The following GTF3C3 variants were observed in gnomAD, a reference collection of about 807,000 sequenced individuals.
The protein encoded by GTF3C3 is general transcription factor 3C polypeptide 3.
Under a neutral mutation model 105.2 loss-of-function variants are expected in GTF3C3, and 75 were observed. That is an observed-to-expected ratio of 0.71 (90% CI 0.59 to 0.86). The LOEUF is 0.86. GTF3C3 is among the 40% of genes least tolerant of loss of function. The pLI, the probability that GTF3C3 is intolerant of heterozygous loss-of-function variation, is 0.00. For missense variants in GTF3C3, 856 were observed against 1,076.5 expected (o/e 0.80, Z 2.87); for synonymous variants, 335 against 370.4 (o/e 0.90, Z 1.10).
chr2:196,797,272 G>A (rs553500748), intron 2 of GTF3C3, among the ~76,000 whole-genome samples: 3 of 152,282 alleles, frequency 2.0e-5, no homozygotes, highest in Admixed American at 6.5e-5. Context: ...TAGTCTGGGT[G>A]CACTAACCAA....
chr2:196,783,099 A>C (rs1021732452), intron 8 of GTF3C3, among the ~76,000 whole-genome samples: 3 of 152,174 alleles, frequency 2.0e-5, no homozygotes, highest in Non-Finnish European at 2.9e-5. Context: ...TATCTGTTTT[A>C]ATCTCCTAGT....
chr2:196,791,483 T>G, intron 3 of GTF3C3, 23 bp from the exon 4 acceptor site: 1 of 1,597,624 alleles, frequency 6.3e-7, no homozygotes, highest in African/African-American at 1.3e-5. Flanking sequence ...AAAATGACAT[T>G]TAGATTAAAA....
At position 196,776,786 on chromosome 2, in the gene GTF3C3, TAATC is replaced by T. The variant is rs999738904; in HGVS notation, c.1391-161_1391-158del. On this transcript the variant is annotated intron_variant, in intron 10 of 17. Coordinates refer to ENST00000263956, the MANE Select transcript of GTF3C3 (RefSeq NM_012086.5). The surrounding 1 kb of genome is among the most constrained non-coding windows in gnomAD (Gnocchi z 4.5). ...CTTTAAAACTATCCCTAATCTCTATTAATCAATCGATCTAATAAATTTAAATTGC... is the reference window on the plus strand; with the variant it reads ...CTTTAAAACTATCCCTAATCTCTATTAATCGATCTAATAAATTTAAATTGC... Among the ~76,000 whole-genome samples, 1 of 152,208 alleles carries T rather than the reference TAATC, an allele frequency of 6.6e-6. No individual in the cohort carries two copies. Among genetic ancestry groups the T allele is most frequent in the African/African-American group, 2.4e-5 (1 of 41,444 alleles).
rs758315740 is a variant in GTF3C3, at chr2:196,770,041, TG to T, written c.2261-3del. On this transcript the variant is annotated splice_polypyrimidine_tract_variant and splice_region_variant and intron_variant, in intron 15 of 17. Coordinates refer to ENST00000263956, the MANE Select transcript of GTF3C3 (RefSeq NM_012086.5). Reference sequence around the variant, plus strand: ...TGCGAAAGGCTTGCACATACTGTCCTGGAAAATAAGCAGTGGTGTCAGACGG... The same window carrying T: ...TGCGAAAGGCTTGCACATACTGTCCTGAAAATAAGCAGTGGTGTCAGACGG... 5.9e-5 allele frequency: 90 copies of T among 1,518,712 alleles called. No homozygotes were observed. The highest frequency in any genetic ancestry group is 7.6e-5 in the Non-Finnish European group (87 of 1,140,096). The allele number at this position is 1,518,712 out of a possible 1,614,324, so 94.1% of individuals were successfully genotyped here.
chr2:196,785,732 C>A (rs1031605264), intron 6 of GTF3C3, 144 bp from the exon 7 acceptor site: 3 of 584,208 alleles, frequency 5.1e-6, no homozygotes, highest in Non-Finnish European at 9.1e-6. Context: ...AAATCGTAAT[C>A]AGAACTGATC....
intron 13 of GTF3C3, among the ~76,000 whole-genome samples, chr2:196,773,949 G>A (rs1699220794): frequency 6.6e-6 from 1 of 152,236 alleles, no homozygotes; most frequent in African/African-American, 2.4e-5. Context: ...CAGGCCACGG[G>A]CTGGTACCGG....
At chr2:196,771,973 A>T (rs760749142) in intron 14 of GTF3C3, 35 bp from the exon 15 acceptor site, 3 of 1,442,084 alleles carry the variant, frequency 2.1e-6, no homozygotes, top group South Asian at 2.3e-5. Flanking sequence ...GGAGAAAATA[A>T]TGTAAAAATC....
In GTF3C3 at chr2:196,775,181, A is replaced by G. The variant is rs1415146167; in HGVS notation, c.1766T>C (p.Ile589Thr). 6.2e-7 allele frequency: 1 copy of G among 1,613,156 alleles called. No individual in the cohort carries two copies. Among genetic ancestry groups the G allele is most frequent in the Non-Finnish European group, 8.5e-7 (1 of 1,179,262 alleles). ...TGATATTTTGTCTCTCGATACTTTA[A>G]TAAGATAAAGATGCCTCTCTCCAGA... ...SKSGERHLYL[I>T]KVSRDKISDS... Residue 589 changes from isoleucine to threonine, a missense_variant, in exon 13 of 18, where the codon ATT (isoleucine) becomes ACT (threonine). Ile to Thr is a moderately conservative substitution (Grantham distance 89). Around this residue, in one of 3 missense-constraint regions of GTF3C3, gnomAD observed 605 missense variants for 833.6 expected, o/e 0.73. Transcript: ENST00000263956.
Position 196,799,646 on chromosome 2 carries a change from G to A in GTF3C3, c.-35C>T, listed in dbSNP as rs763889463. On this transcript the variant is annotated 5_prime_UTR_variant, in exon 1 of 18. Coordinates refer to ENST00000263956, the MANE Select transcript of GTF3C3 (RefSeq NM_012086.5). ...GTCTGTCTGTGCAACCCCAGGAACC[G>A]GGACAGAGAACCGGAAGAGCAGCGC... 2 of 1,473,220 alleles carry A rather than the reference G, an allele frequency of 1.4e-6. No individual in the cohort carries two copies. Among genetic ancestry groups the A allele is most frequent in the Admixed American group, 1.7e-5 (1 of 59,448 alleles). The allele number at this position is 1,473,220 out of a possible 1,614,324, so 91.3% of individuals were successfully genotyped here. A position where few individuals can be genotyped will look rare whatever the true frequency, so the allele number is the denominator to read the frequency against.
At position 196,799,630 on chromosome 2, in the gene GTF3C3, T is replaced by C; in HGVS notation, c.-19A>G. The C allele has an allele frequency of 1.3e-6, 2 of 1,561,958 alleles. No homozygotes were observed. Among genetic ancestry groups the C allele is most frequent in the Non-Finnish European group, 1.8e-6 (2 of 1,132,936 alleles). On this transcript the variant is annotated 5_prime_UTR_variant, in exon 1 of 18. Coordinates refer to ENST00000263956, the MANE Select transcript of GTF3C3 (RefSeq NM_012086.5). Reference sequence around the variant, plus strand: ...CTGACATGTTTACAGGGTCTGTCTGTGCAACCCCAGGAACCGGGACAGAGA... The same window carrying C: ...CTGACATGTTTACAGGGTCTGTCTGCGCAACCCCAGGAACCGGGACAGAGA...
At chr2:196,792,292 G>T (rs916621756) in intron 3 of GTF3C3, among the ~76,000 whole-genome samples, 1 of 152,054 alleles carries the variant, frequency 6.6e-6, no homozygotes, top group African/African-American at 2.4e-5. Context: ...GAGTAGCTAG[G>T]ACAACAGGAG....
intron 2 of GTF3C3, 140 bp downstream of exon 2, chr2:196,797,657 A>G (rs1158041595): frequency 4.8e-5 from 29 of 609,894 alleles, no homozygotes; most frequent in South Asian, 1.6e-4. Flanking sequence ...GGCACCTACT[A>G]TATAACCAAG....
chr2:196,791,530 A>C, intron 3 of GTF3C3, 70 bp from the exon 4 acceptor site: 1 of 1,357,624 alleles, frequency 7.4e-7, no homozygotes, highest in East Asian at 2.3e-5. Context: ...CAGCCATATT[A>C]ATAAATATAG....
intron 13 of GTF3C3, among the ~76,000 whole-genome samples, chr2:196,774,784 T>A (rs1420403546): frequency 2.0e-5 from 3 of 152,222 alleles, no homozygotes; most frequent in African/African-American, 7.2e-5. Flanking sequence ...GGAATATATA[T>A]AAGTGAAGTC....
rs768174716 is a variant in GTF3C3, at chr2:196,799,604, C to T, written c.8G>A (p.Gly3Glu). The T allele has an allele frequency of 5.0e-6, 8 of 1,612,370 alleles. No homozygotes were observed. The highest frequency in any genetic ancestry group is 6.8e-6 in the Non-Finnish European group (8 of 1,178,430). MS[G>E]FSPELIDYLE... ...GTAGTCGATGAGTTCCGGACTGAAC[C>T]CTGACATGTTTACAGGGTCTGTCTG... Residue 3 changes from glycine to glutamate, a missense_variant, in exon 1 of 18, where the codon GGG becomes GAG. Physicochemically the swap from Gly to Glu is moderately conservative, Grantham distance 98 (BLOSUM62 -2). Coordinates refer to ENST00000263956, the MANE Select transcript of GTF3C3 (RefSeq NM_012086.5).
chr2:196,775,871 T>A, intron 12 of GTF3C3, 139 bp downstream of exon 12: 1 of 497,344 alleles, frequency 2.0e-6, no homozygotes. Context: ...CCTCTAGCTT[T>A]TTTGTTTTTA....
chr2:196,780,858 A>T, intron 8 of GTF3C3, 196 bp from the exon 9 acceptor site: 2 of 537,050 alleles, frequency 3.7e-6, no homozygotes, highest in Non-Finnish European at 6.2e-6. Context: ...TCGATTTCTA[A>T]TACCTTATGT....
intron 2 of GTF3C3, among the ~76,000 whole-genome samples, chr2:196,794,216 T>C (rs925056361): frequency 6.6e-6 from 1 of 152,168 alleles, no homozygotes; most frequent in African/African-American, 2.4e-5. Flanking sequence ...CCTCAACAGA[T>C]GCGGTTCCTC....
At chr2:196,769,837 G>C in intron 16 of GTF3C3, 78 bp downstream of exon 16, 1 of 1,249,094 alleles carries the variant, frequency 8.0e-7, no homozygotes, top group Non-Finnish European at 1.1e-6. Context: ...TTTTGAAGCA[G>C]GATTTTTAAA....
Sources: allele counts gnomAD v4.1 joint callset (sites outside exome capture counted in the v4.1 genomes callset), GRCh38; gene constraint gnomAD v4.1.1; regional missense constraint gnomAD v4.1.1; non-coding constraint Gnocchi (gnomAD v3.1); transcripts MANE v1.5; gene names NCBI Gene and HGNC (gene_info 2026-07-23, HGNC 2026-07-21).